The following SLC5A5 variants were observed in gnomAD, a reference collection of about 807,000 sequenced individuals.
The protein encoded by SLC5A5 is sodium/iodide cotransporter.
SLC5A5 carries 56 observed loss-of-function variants against 68.6 expected under a neutral mutation model. That is an observed-to-expected ratio of 0.82 (90% CI 0.66 to 1.02). SLC5A5 has a LOEUF of 1.02. Ranked by LOEUF, SLC5A5 falls within the 50% of genes least tolerant of loss-of-function variation. SLC5A5 has a pLI of 0.00. For missense variants in SLC5A5, 807 were observed against 859.8 expected (o/e 0.94, Z 0.77); for synonymous variants, 398 against 373.0 (o/e 1.07, Z -0.77).
rs2094302769 is a variant in SLC5A5 at position 17,874,711 on chromosome 19, T to A, written c.523T>A (p.Cys175Ser). 1.2e-6 allele frequency: 2 copies of A among 1,614,046 alleles called. No individual in the cohort carries two copies. Among genetic ancestry groups the A allele is most frequent in the African/African-American group, 2.7e-5 (2 of 74,934 alleles). The part of the protein sequence containing the change: ...WASLLSTGII[C>S]TFYTAVGGMK... ...GTCGCTCCTGTCCACCGGAATTATC[T>A]GCACCTTCTACACGGCTGTGGTGAG... The change falls in exon 4 of 15, where the codon TGC becomes AGC. Residue 175 changes from cysteine (C) to serine (S), a missense_variant. Cys to Ser is a moderately radical substitution (Grantham distance 112, BLOSUM62 -1). Coordinates refer to ENST00000222248, the MANE Select transcript of SLC5A5 (RefSeq NM_000453.3).
Position 17,874,221 on chromosome 19 carries a change from C to T in SLC5A5, c.423+18C>T, listed in dbSNP as rs1326495975. ...TAGCCACGGTGAGTGGCCTCGGCCC[C>T]GCCCTCCGCTCAGGGCCCCGAGAGC... On this transcript the variant is annotated intron_variant, in intron 2 of 14. Coordinates refer to ENST00000222248, the MANE Select transcript of SLC5A5 (RefSeq NM_000453.3). 2 of 1,580,128 alleles carry T rather than the reference C, an allele frequency of 1.3e-6. No homozygotes were observed. The highest frequency in any genetic ancestry group is 1.7e-6 in the Non-Finnish European group (2 of 1,150,122).
intron 13 of SLC5A5, among the ~76,000 whole-genome samples, chr19:17,889,654 A>C (rs899596252): frequency 2.6e-5 from 4 of 151,930 alleles, no homozygotes; most frequent in African/African-American, 9.7e-5. Context: ...TACACCCTTT[A>C]AAGCTATGTT....
At chr19:17,878,672 G>T (rs75787047) in intron 7 of SLC5A5, among the ~76,000 whole-genome samples, 23,283 of 151,798 alleles carry the variant, frequency 0.15, 2,110 homozygotes, top group Non-Finnish European at 0.2. Context: ...AGATGCTCAG[G>T]AGGAGATGAA....
rs1042505774 is a variant in SLC5A5 at position 17,876,167 on chromosome 19, T to C, written c.698+61T>C. The C allele has an allele frequency of 1.1e-5, 17 of 1,570,204 alleles. No individual in the cohort carries two copies. In the African/African-American group the frequency reaches 1.5e-4, roughly 14 times the overall value. On this transcript the variant is annotated intron_variant, in intron 5 of 14. Coordinates refer to ENST00000222248, the MANE Select transcript of SLC5A5 (RefSeq NM_000453.3). The stretch of plus-strand genomic sequence containing the variant: ...GGGCTGGGACCAGTGCGGTGGCTCA[T>C]GCCTGTAATCCCAGCACTTTGGGAG...
In SLC5A5 at chr19:17,890,944, G is replaced by T; in HGVS notation, c.1710G>T (p.Gln570His). 1.9e-6 allele frequency: 3 copies of T among 1,614,148 alleles called. No homozygotes were observed. Among genetic ancestry groups the T allele is most frequent in the Non-Finnish European group, 2.5e-6 (3 of 1,180,018 alleles). Residue 570 changes from glutamine to histidine, a missense_variant, in exon 14 of 15, where the codon CAG becomes CAT. Gln to His is a conservative substitution (Grantham distance 24, BLOSUM62 0). Transcript: ENST00000222248. ...TGTTGTGGTGGGACCTCGCACGGCA[G>T]ACAGCATCAGTGGCCCCCAAGGAAG... ...PGLLWWDLAR[Q>H]TASVAPKEEV...
chr19:17,874,318 G>A, intron 2 of SLC5A5, 115 bp downstream of exon 2: 1 of 608,278 alleles, frequency 1.6e-6, no homozygotes, highest in Admixed American at 2.9e-5. Flanking sequence ...CTCCCGTTCT[G>A]ACCCCGCCCC....
rs748662486 is a variant in SLC5A5, at chr19:17,882,205, G to C, written c.1228G>C (p.Gly410Arg). The change falls in exon 10 of 15, where the codon GGA (glycine) becomes CGA (arginine). Residue 410 changes from glycine (G) to arginine (R), a missense_variant. By Grantham distance (125) the Gly-to-Arg change is moderately radical. Transcript: ENST00000222248. ...GGCAGCCCTGTCCTCACTGCTCGGAGGAGGTGTCCTTCAGGTGAGACCCCA... is the reference window on the plus strand; with the variant it reads ...GGCAGCCCTGTCCTCACTGCTCGGACGAGGTGTCCTTCAGGTGAGACCCCA... ...TVAALSSLLGGGVLQGSFTVM... is the reference protein window; with the variant it reads ...TVAALSSLLGRGVLQGSFTVM... The C allele has an allele frequency of 1.2e-5, 19 of 1,613,776 alleles. No homozygotes were observed. The highest frequency in any genetic ancestry group is 1.5e-5 in the Non-Finnish European group (18 of 1,179,978).
Position 17,895,008 on chromosome 19 carries a change from G to C in SLC5A5, c.*1131G>C, listed in dbSNP as rs190486720. ...GCAGTGGTTGGATCAATGCATCTAC[G>C]AGTCGGAGAACCCAAGGATTGCCAG... is the stretch of plus-strand genomic sequence containing the variant. On this transcript the variant is annotated 3_prime_UTR_variant, in exon 15 of 15. Coordinates refer to ENST00000222248, the MANE Select transcript of SLC5A5 (RefSeq NM_000453.3). The C allele has an allele frequency of 6.6e-6, 1 of 152,046 alleles. No homozygotes were observed. Among genetic ancestry groups the C allele is most frequent in the Non-Finnish European group, 1.5e-5 (1 of 68,052 alleles). 9.4% of individuals were successfully genotyped at this position (152,046 alleles called of 1,614,324 possible). A position where few individuals can be genotyped will look rare whatever the true frequency, so the allele number is the denominator to read the frequency against.
At position 17,884,027 on chromosome 19, in the gene SLC5A5, G is replaced by A. The variant is rs73520745; in HGVS notation, c.1507G>A (p.Asp503Asn). Residue 503 changes from aspartate (D) to asparagine (N), a missense_variant, in exon 12 of 15, where the codon GAC becomes AAC. Physicochemically the swap from Asp to Asn is conservative, Grantham distance 23. Transcript: ENST00000222248. ...LLDPALLPAN[D>N]SSRAPSSGMD... ...GGACCCGGCTCTCCTCCCTGCTAAC[G>A]ACTCCAGCAGGGCCCCCAGGTGAGC... The A allele has an allele frequency of 3.1e-3, 4,847 of 1,569,392 alleles. 122 individuals are homozygous for A. The African/African-American group carries it at 0.056, about 18-fold the overall frequency.
chr19:17,882,971 C>T (rs112685984), intron 10 of SLC5A5, among the ~76,000 whole-genome samples: 23,859 of 152,086 alleles, frequency 0.16, 2,192 homozygotes, highest in Non-Finnish European at 0.2. Flanking sequence ...GCGTGAGCCA[C>T]CGCGCCCAGC....
intron 12 of SLC5A5, among the ~76,000 whole-genome samples, chr19:17,887,381 A>G (rs914902584): frequency 2.0e-5 from 3 of 151,596 alleles, no homozygotes; most frequent in Non-Finnish European, 4.4e-5. Flanking sequence ...TGCAACCTCC[A>G]CCTCCCAGGT....
At chr19:17,876,426 CAAAAAA>C (rs60457185) in intron 5 of SLC5A5, among the ~76,000 whole-genome samples, 3 of 87,420 alleles carry the variant, frequency 3.4e-5, no homozygotes, top group Non-Finnish European at 2.3e-5. Context: ...GACCCTGTCT[CAAAAAA>C]AAAAAAAAAA....
At chr19:17,879,162 G>C (rs2147737352) in intron 7 of SLC5A5, among the ~76,000 whole-genome samples, 1 of 150,964 alleles carries the variant, frequency 6.6e-6, no homozygotes, top group South Asian at 2.1e-4. Context: ...GTGTGGTGGT[G>C]CATGCCTGTA....
At chr19:17,891,116 C>G in intron 14 of SLC5A5, 115 bp downstream of exon 14, 1 of 749,318 alleles carries the variant, frequency 1.3e-6, no homozygotes, top group African/African-American at 1.7e-5. Context: ...CTCATTATCT[C>G]CAGTCAAAAG....
intron 7 of SLC5A5, 152 bp downstream of exon 7, chr19:17,878,245 C>A: frequency 1.1e-6 from 1 of 923,796 alleles, no homozygotes; most frequent in Non-Finnish European, 1.7e-6. Flanking sequence ...GCGGCTCATG[C>A]CTGTATCCCA....
intron 13 of SLC5A5, among the ~76,000 whole-genome samples, chr19:17,889,413 A>AGGAGGAAGGAAGGAAGGAAGGAAGGAAG (rs1555754783): frequency 9.4e-5 from 13 of 137,608 alleles, no homozygotes; most frequent in African/African-American, 2.2e-4. Flanking sequence ...AAAGAAAGAA[A>AGGAGGAAGGAAGGAAGGAAGGAAGGAAG]GAAGGAAGGA....
intron 13 of SLC5A5, among the ~76,000 whole-genome samples, chr19:17,888,993 C>T (rs918112451): frequency 4.0e-5 from 6 of 150,230 alleles, no homozygotes; most frequent in Admixed American, 4.0e-4. Context: ...TATACACATA[C>T]ATACACACTT....
chr19:17,885,442 CA>C (rs2094331119), intron 12 of SLC5A5, among the ~76,000 whole-genome samples: 1 of 150,656 alleles, frequency 6.6e-6, no homozygotes, highest in Admixed American at 6.6e-5. Context: ...TGCAATGGCA[CA>C]ATCACAGCTC....
chr19:17,874,905 G>A (rs921615222), intron 4 of SLC5A5, among the ~76,000 whole-genome samples, 174 bp downstream of exon 4: 19 of 152,150 alleles, frequency 1.2e-4, no homozygotes, highest in African/African-American at 4.6e-4. Flanking sequence ...AGAATCTAGA[G>A]GTATGGTAGC....
Sources: gnomAD v4.1 joint callset for allele counts (sites outside exome capture counted in the v4.1 genomes callset) on GRCh38, gnomAD v4.1.1 for gene constraint, MANE v1.5 for transcripts, NCBI Gene and HGNC (gene_info 2026-07-23, HGNC 2026-07-21) for gene names.